Variants in RPTOR observed in about 807,000 individuals in gnomAD.
The protein encoded by RPTOR is regulatory associated protein of MTOR complex 1.
A neutral mutation model predicts 169.9 loss-of-function variants in RPTOR; 21 were observed. The observed-to-expected ratio is 0.12, with a 90% CI of 0.09 to 0.18. The LOEUF (loss-of-function observed/expected upper bound fraction) is 0.18. Ranked by LOEUF, RPTOR falls within the 10% of genes least tolerant of loss-of-function variation. The pLI is 1.00. For synonymous variants in RPTOR, 732 were observed against 753.2 expected, an observed-to-expected ratio of 0.97 and a Z score of 0.46; for missense variants, 1,133 against 1,855.9, an observed-to-expected ratio of 0.61 and a Z score of 7.16.
At chr17:80,685,865 A>G (rs2065943241) in intron 3 of RPTOR, among the ~76,000 whole-genome samples, 1 of 151,120 alleles carries the variant, frequency 6.6e-6, no homozygotes, top group Non-Finnish European at 1.5e-5. Flanking sequence ...AGCACTCGGA[A>G]ATGCCCGACA....
chr17:80,624,841 A>G (rs2143529707), intron 1 of RPTOR, among the ~76,000 whole-genome samples: 1 of 152,288 alleles, frequency 6.6e-6, no homozygotes, highest in South Asian at 2.1e-4. Flanking sequence ...GTTTTGTTCA[A>G]ATGAGTGGAC....
chr17:80,919,742 G>A (rs543098924), intron 21 of RPTOR, among the ~76,000 whole-genome samples: 1 of 152,320 alleles, frequency 6.6e-6, no homozygotes, highest in South Asian at 2.1e-4. Flanking sequence ...GCATTCGACT[G>A]TTAGCAAAGT....
chr17:80,922,612 A>C, intron 21 of RPTOR, 112 bp from the exon 22 acceptor site: 16 of 831,326 alleles, frequency 1.9e-5, no homozygotes, highest in Non-Finnish European at 2.9e-5. Flanking sequence ...TTCCTCGGCC[A>C]AAGGCCTTTT....
chr17:80,832,654 G>A (rs2067518818), intron 9 of RPTOR, among the ~76,000 whole-genome samples: 1 of 152,220 alleles, frequency 6.6e-6, no homozygotes, highest in Non-Finnish European at 1.5e-5. Flanking sequence ...TGAGGACTGA[G>A]CTGCTGTGGA....
At chr17:80,563,178 T>C (rs2084523094) in intron 1 of RPTOR, among the ~76,000 whole-genome samples, 1 of 152,044 alleles carries the variant, frequency 6.6e-6, no homozygotes, top group Non-Finnish European at 1.5e-5. Context: ...GATGTGTTTT[T>C]ACTGGGTCAG....
rs530847684 is a variant in RPTOR at position 80,637,375 on chromosome 17, C to A, written c.266-6353C>A. ...CCTGAGCGTGCTGGAACTGGCGAGA[C>A]GGGGTCACAGCACACACCTGCGTTT... On this transcript the variant is annotated intron_variant, in intron 2 of 33. Coordinates refer to ENST00000306801, the MANE Select transcript of RPTOR (RefSeq NM_020761.3). Among the ~76,000 whole-genome samples, 171 of 152,298 alleles carry A rather than the reference C, an allele frequency of 1.1e-3. No homozygotes were observed. In the Middle Eastern group the frequency reaches 0.02, roughly 18 times the overall value.
chr17:80,667,810 G>A (rs1006353410), intron 3 of RPTOR, among the ~76,000 whole-genome samples: 2 of 152,204 alleles, frequency 1.3e-5, no homozygotes, highest in South Asian at 2.1e-4. Flanking sequence ...AATGAGTGGT[G>A]TAATTGTGAT....
In RPTOR at chr17:80,892,745, C is replaced by T. The variant is rs750017752; in HGVS notation, c.2118C>T (p.Thr706=). 6.2e-7 allele frequency: 1 copy of T among 1,613,856 alleles called. No homozygotes were observed. Among genetic ancestry groups the T allele is most frequent in the Admixed American group, 1.7e-5 (1 of 59,996 alleles). The change falls in exon 19 of 34, where the codon ACC becomes ACT. Residue 706 remains threonine (T), a synonymous_variant. Coordinates refer to ENST00000306801, the MANE Select transcript of RPTOR (RefSeq NM_020761.3). ...CTTTCCCAGAGGGAGGGAGTTTGAC[C>T]CCAGTGCGAGACAGCCCGTGCACCC... is the stretch of plus-strand genomic sequence containing the variant. ...SPATTEGGSL[T]PVRDSPCTPR...
chr17:80,583,968 C>T (rs964476951), intron 1 of RPTOR, among the ~76,000 whole-genome samples: 11 of 152,276 alleles, frequency 7.2e-5, no homozygotes, highest in South Asian at 4.2e-4. Flanking sequence ...CTCCTGTCCT[C>T]GGGCAGCTGC....
chr17:80,683,829 G>A (rs2065915870), intron 3 of RPTOR, among the ~76,000 whole-genome samples: 1 of 152,134 alleles, frequency 6.6e-6, no homozygotes, highest in South Asian at 2.1e-4. Context: ...ACAAGGTGGA[G>A]CAGCCTCATA....
chr17:80,572,066 T>C (rs2064912288), intron 1 of RPTOR, among the ~76,000 whole-genome samples: 1 of 152,248 alleles, frequency 6.6e-6, no homozygotes, highest in Non-Finnish European at 1.5e-5. Flanking sequence ...AATTTACTTA[T>C]CCATTCTACT....
At position 80,583,182 on chromosome 17, in the gene RPTOR, G is replaced by GTTTTTTTTT. The variant is rs1166711662; in HGVS notation, c.162+37407_162+37415dup. 7.7e-3 allele frequency among the ~76,000 whole-genome samples: 610 copies of GTTTTTTTTT among 79,208 alleles called. 50 individuals are homozygous for GTTTTTTTTT. Among genetic ancestry groups the GTTTTTTTTT allele is most frequent in the Non-Finnish European group, 0.01 (418 of 40,954 alleles). 52.0% of individuals were successfully genotyped at this position (79,208 alleles called of 152,430 possible). ...GGTCCCTGTCCACTGCCTCTTTCCT[G>GTTTTTTTTT]TTTTTTTTTTTTTTTTTTTTTTTTG... On this transcript the variant is annotated intron_variant, in intron 1 of 33. Transcript: ENST00000306801.
chr17:80,784,855 C>A (rs567398228), intron 6 of RPTOR, among the ~76,000 whole-genome samples: 1 of 152,188 alleles, frequency 6.6e-6, no homozygotes, highest in Non-Finnish European at 1.5e-5. Context: ...TCCGCCACCA[C>A]GCCTGGCTAA....
chr17:80,789,640 T>C (rs1598305057), intron 6 of RPTOR, among the ~76,000 whole-genome samples: 1 of 152,222 alleles, frequency 6.6e-6, no homozygotes, highest in Non-Finnish European at 1.5e-5. Flanking sequence ...CAGGCAGCCT[T>C]GAGCATGGTC....
At chr17:80,566,457 TA>T (rs2064841656) in intron 1 of RPTOR, among the ~76,000 whole-genome samples, 1 of 152,066 alleles carries the variant, frequency 6.6e-6, no homozygotes, top group Non-Finnish European at 1.5e-5. Flanking sequence ...AATAATTATA[TA>T]AAAAATTTAT....
chr17:80,654,890 T>G (rs1318458246), intron 3 of RPTOR, among the ~76,000 whole-genome samples: 2 of 152,192 alleles, frequency 1.3e-5, no homozygotes, highest in East Asian at 3.9e-4. Context: ...CATAATTTTC[T>G]AGGAAAATAT....
intron 1 of RPTOR, among the ~76,000 whole-genome samples, chr17:80,594,819 T>C (rs1599585865): frequency 6.6e-6 from 1 of 152,136 alleles, no homozygotes; most frequent in Admixed American, 6.5e-5. Flanking sequence ...TGCCAGTTGG[T>C]GAGTAGGATT....
chr17:80,622,107 A>G (rs2065359027), intron 1 of RPTOR, among the ~76,000 whole-genome samples: 1 of 152,220 alleles, frequency 6.6e-6, no homozygotes, highest in South Asian at 2.1e-4. Context: ...GGGAAGCACA[A>G]GGTCTATTAG....
In RPTOR at chr17:80,728,446, G is replaced by GGTGTGTGTGAGTGTGTGTGTGT. The variant is rs1555612021; in HGVS notation, c.508-2105_508-2104insAGTGTGTGTGTGTGTGTGTGTG. Among the ~76,000 whole-genome samples, 10 of 148,280 alleles carry GGTGTGTGTGAGTGTGTGTGTGT rather than the reference G, an allele frequency of 6.7e-5. No homozygotes were observed. The East Asian group carries it at 2.0e-3, about 30-fold the overall frequency. On this transcript the variant is annotated intron_variant, in intron 4 of 33. Transcript: ENST00000306801. ...CATTTAGGTTTTCAGTCCACTCTGG[G>GGTGTGTGTGAGTGTGTGTGTGT]GTGTGTGTGTGTGTGTGTGTGTGTG...
Sources: allele counts gnomAD v4.1 joint callset (sites outside exome capture counted in the v4.1 genomes callset), GRCh38; gene constraint gnomAD v4.1.1; transcripts MANE v1.5; gene names NCBI Gene and HGNC (gene_info 2026-07-23, HGNC 2026-07-21).